Variants in ZCCHC14 observed in about 807,000 individuals in gnomAD.
The protein encoded by ZCCHC14 is zinc finger CCHC-type containing 14, also known as zinc finger CCHC domain-containing protein 14.
In ZCCHC14, 16 loss-of-function variants were observed where a neutral mutation model predicts 85.0. The observed-to-expected ratio is 0.19, with a 90% CI of 0.13 to 0.29. The LOEUF (loss-of-function observed/expected upper bound fraction) is 0.29, where lower values mean the gene tolerates loss of function less well. ZCCHC14 is among the 10% of genes least tolerant of loss of function. The pLI, the probability that ZCCHC14 is intolerant of heterozygous loss-of-function variation, is 1.00. For missense variants in ZCCHC14, 1,303 were observed against 1,443.5 expected, an observed-to-expected ratio of 0.90 and a Z score of 1.58; for synonymous variants, 775 against 630.7, an observed-to-expected ratio of 1.23 and a Z score of -3.43.
rs768501763 is a variant in ZCCHC14 at position 87,411,872 on chromosome 16, G to A, written c.2849C>T (p.Pro950Leu). Residue 950 changes from proline to leucine, a missense_variant, in exon 12 of 13, where the codon CCG becomes CTG. Physicochemically the swap from Pro to Leu is moderately conservative, Grantham distance 98. Around this residue, in one of 7 missense-constraint regions of ZCCHC14, gnomAD observed 797 missense variants for 730.8 expected, o/e 1.09. Coordinates refer to ENST00000671377, the MANE Select transcript of ZCCHC14 (RefSeq NM_015144.3). ...TVSYANYFQH[P>L]FSGPSVFTFP... The stretch of plus-strand genomic sequence containing the variant: ...GGTGAACACGGACGGACCGGAGAAC[G>A]GGTGCTGGAAGTAGTTGGCGTAGCT... 5 of 1,604,258 alleles carry A rather than the reference G, an allele frequency of 3.1e-6. No homozygotes were observed. The highest frequency in any genetic ancestry group is 3.4e-6 in the Non-Finnish European group (4 of 1,176,160).
intron 2 of ZCCHC14, among the ~76,000 whole-genome samples, chr16:87,435,736 C>A (rs562115101): frequency 6.6e-6 from 1 of 152,362 alleles, no homozygotes; most frequent in Admixed American, 6.5e-5. Context: ...ATGCGGGAGT[C>A]CACTCGCTTT....
chr16:87,463,164 T>G (rs1911354847), intron 1 of ZCCHC14, among the ~76,000 whole-genome samples: 1 of 152,072 alleles, frequency 6.6e-6, no homozygotes, highest in African/African-American at 2.4e-5. Context: ...GGAGGATCAC[T>G]TGAGGCCACG....
In ZCCHC14 at chr16:87,412,341, A is replaced by G; in HGVS notation, c.2380T>C (p.Cys794Arg). Residue 794 changes from cysteine (C) to arginine (R), a missense_variant, in exon 12 of 13, where the codon TGT becomes CGT. Physicochemically the swap from Cys to Arg is radical, Grantham distance 180. This residue lies in a region of ZCCHC14 where 797 missense variants were observed against 730.8 expected (regional missense o/e 1.09). Coordinates refer to ENST00000671377, the MANE Select transcript of ZCCHC14 (RefSeq NM_015144.3). ...ADSAISGQTS[C>R]PNNVQISVPP... ...ACACTTATTTGCACATTATTAGGAC[A>G]GGAAGTTTGCCCAGAAATGGCAGAA... The G allele has an allele frequency of 6.2e-7, 1 of 1,614,140 alleles. No individual in the cohort carries two copies. Among genetic ancestry groups the G allele is most frequent in the Non-Finnish European group, 8.5e-7 (1 of 1,180,048 alleles).
intron 4 of ZCCHC14, among the ~76,000 whole-genome samples, chr16:87,423,184 C>T (rs1020333640): frequency 6.6e-6 from 1 of 152,240 alleles, no homozygotes; most frequent in African/African-American, 2.4e-5. Flanking sequence ...GCAGTTACAA[C>T]TGTGTGTACA....
In ZCCHC14 at chr16:87,460,071, G is replaced by C; in HGVS notation, c.631C>G (p.His211Asp). 6.2e-7 allele frequency: 1 copy of C among 1,614,180 alleles called. No homozygotes were observed. Among genetic ancestry groups the C allele is most frequent in the South Asian group, 1.1e-5 (1 of 91,084 alleles). ...TCCTCCGTGGAATGTGCTGATGTGT[G>C]CAGGGCATTCTCCAAACTATTACTG... ...SVSNSLENAL[H>D]TSAHSTEESL... Residue 211 changes from histidine (H) to aspartate (D), a missense_variant, in exon 2 of 13, where the codon CAC (histidine) becomes GAC (aspartate). By Grantham distance (81) the His-to-Asp change is moderately conservative (BLOSUM62 -1). Transcript: ENST00000671377.
intron 1 of ZCCHC14, 27 bp from the exon 2 acceptor site, chr16:87,460,158 T>C (rs371058342): frequency 1.2e-6 from 2 of 1,611,212 alleles, no homozygotes; most frequent in Non-Finnish European, 1.7e-6. Context: ...AGAATCATCT[T>C]ATTTTCTCCC....
chr16:87,413,299 A>T (rs1908582229), intron 10 of ZCCHC14, 104 bp from the exon 11 acceptor site: 1 of 1,413,262 alleles, frequency 7.1e-7, no homozygotes, highest in Non-Finnish European at 9.3e-7. Context: ...CTTCCAGGGA[A>T]ACGCAGGGCT....
intron 1 of ZCCHC14, among the ~76,000 whole-genome samples, chr16:87,469,291 G>A (rs979145758): frequency 2.0e-5 from 3 of 152,212 alleles, no homozygotes; most frequent in African/African-American, 7.2e-5. Context: ...CCTGCAGTAC[G>A]TGACGTACAC....
At chr16:87,439,587 C>T (rs1019935091) in intron 2 of ZCCHC14, among the ~76,000 whole-genome samples, 6 of 152,190 alleles carry the variant, frequency 3.9e-5, no homozygotes, top group African/African-American at 9.7e-5. Flanking sequence ...GAGATAGACA[C>T]CTCACTCTGA....
At chr16:87,448,240 C>T (rs1689969187) in intron 2 of ZCCHC14, among the ~76,000 whole-genome samples, 1 of 152,164 alleles carries the variant, frequency 6.6e-6, no homozygotes, top group African/African-American at 2.4e-5. Flanking sequence ...TCATTCAAAA[C>T]TTGGCTTGCC....
rs748494487 is a variant in ZCCHC14 at position 87,460,155 on chromosome 16, T to A, written c.571-24A>T. 4.3e-6 allele frequency: 7 copies of A among 1,611,548 alleles called. No homozygotes were observed. In the Admixed American group the frequency reaches 1.2e-4, roughly 27 times the overall value. On this transcript the variant is annotated intron_variant, in intron 1 of 12. Coordinates refer to ENST00000671377, the MANE Select transcript of ZCCHC14 (RefSeq NM_015144.3). ...ATCTGAGGGAACAGAAACAGAATCA[T>A]CTTATTTTCTCCCACGGAGTTAATA...
chr16:87,431,909 C>G (rs952540664), intron 3 of ZCCHC14, among the ~76,000 whole-genome samples: 19 of 152,192 alleles, frequency 1.2e-4, no homozygotes, highest in African/African-American at 4.6e-4. Context: ...GCCGAGACTC[C>G]GGCACTACCA....
Position 87,458,816 on chromosome 16 carries a change from G to A in ZCCHC14, c.694+1192C>T, listed in dbSNP as rs150047164. Reference sequence around the variant, plus strand: ...TTGTAAATAACACAGGGAGAATAGAGGCCAGCAGATGCGGACACAGCCGGC... The same window carrying A: ...TTGTAAATAACACAGGGAGAATAGAAGCCAGCAGATGCGGACACAGCCGGC... On this transcript the variant is annotated intron_variant, in intron 2 of 12. Transcript: ENST00000671377. 1.9e-4 allele frequency among the ~76,000 whole-genome samples: 29 copies of A among 152,328 alleles called. No homozygotes were observed. In the East Asian group the frequency reaches 5.2e-3, roughly 27 times the overall value.
Position 87,431,472 on chromosome 16 carries a change from GAAAAAAA to G in ZCCHC14, c.768+1649_768+1655del, listed in dbSNP as rs537437083. On this transcript the variant is annotated intron_variant, in intron 3 of 12. Transcript: ENST00000671377. ...TGGGCGACAGAGCAAGGCTCTGTCT[GAAAAAAA>G]AAAAAAAAAAAAGAAAAGAAAAGAG... Among the ~76,000 whole-genome samples the G allele has an allele frequency of 1.4e-3, 109 of 76,772 alleles. 2 individuals are homozygous for G. In the East Asian group the frequency reaches 0.033, roughly 23 times the overall value. The allele number at this position is 76,772 out of a possible 152,430, so 50.4% of individuals were successfully genotyped here.
chr16:87,467,381 A>C lies in ZCCHC14; in HGVS notation c.571-7250T>G, dbSNP rs1355618182. ...CCCCTGGGGTAATTAAGCAAGAGAA[A>C]CTGGGCACAGTTTACTGTCAGGCAA... is the stretch of plus-strand genomic sequence containing the variant. On this transcript the variant is annotated intron_variant, in intron 1 of 12. Transcript: ENST00000671377. The C allele has an allele frequency of 1.9e-6, 3 of 1,599,724 alleles. 1 individual carries two copies. The East Asian group carries it at 6.7e-5, about 36-fold the overall frequency.
intron 3 of ZCCHC14, among the ~76,000 whole-genome samples, 164 bp from the exon 4 acceptor site, chr16:87,424,045 A>G (rs1355392967): frequency 2.0e-5 from 3 of 152,186 alleles, no homozygotes. Context: ...TTGTTACAGA[A>G]AGAAGAGTCA....
At chr16:87,428,912 C>T (rs970664052) in intron 3 of ZCCHC14, among the ~76,000 whole-genome samples, 4 of 152,216 alleles carry the variant, frequency 2.6e-5, no homozygotes, top group African/African-American at 4.8e-5. Context: ...GGTGGTATTC[C>T]ACTGCGTGGA....
At position 87,412,591 on chromosome 16, in the gene ZCCHC14, C is replaced by T. The variant is rs1406746818; in HGVS notation, c.2130G>A (p.Gln710=). 5.0e-6 allele frequency: 8 copies of T among 1,614,172 alleles called. No homozygotes were observed. In the Middle Eastern group the frequency reaches 9.9e-4, roughly 200 times the overall value. ...LPASAPHQPV[Q]VLSGLSESSS... is the part of the protein sequence containing the mutation. ...TGCTCTCCGAAAGCCCAGAGAGGAC[C>T]TGCACAGGCTGGTGGGGTGCGGACG... Residue 710 remains glutamine (Q), a synonymous_variant, in exon 12 of 13, where the codon CAG becomes CAA. Transcript: ENST00000671377.
At position 87,489,886 on chromosome 16, in the gene ZCCHC14, G is replaced by A. The variant is rs141799891; in HGVS notation, c.570+1783C>T. On this transcript the variant is annotated intron_variant, in intron 1 of 12. Coordinates refer to ENST00000671377, the MANE Select transcript of ZCCHC14 (RefSeq NM_015144.3). ...ACATTAAGAATCCCCTTAAAGAGAT[G>A]ACGTTACTGTAGCAACAGCCATAGA... is the stretch of plus-strand genomic sequence containing the variant. Among the ~76,000 whole-genome samples the A allele has an allele frequency of 9.2e-5, 14 of 152,292 alleles. No individual in the cohort carries two copies. The East Asian group carries it at 2.5e-3, about 27-fold the overall frequency.
Sources: gnomAD v4.1 joint callset for allele counts (sites outside exome capture counted in the v4.1 genomes callset) on GRCh38, gnomAD v4.1.1 for gene constraint, gnomAD v4.1.1 regional missense constraint, MANE v1.5 for transcripts, NCBI Gene and HGNC (gene_info 2026-07-23, HGNC 2026-07-21) for gene names.